Variants in ASH1L observed in about 807,000 individuals in gnomAD.
ASH1L encodes histone-lysine N-methyltransferase ASH1L.
In ASH1L, 23 loss-of-function variants were observed where a neutral mutation model predicts 269.0. That is an observed-to-expected ratio of 0.09 (90% CI 0.06 to 0.12). The LOEUF is 0.12. Among genes scored for constraint, ASH1L ranks in the 10% least tolerant of loss-of-function variants. The pLI is 1.00. For missense variants in ASH1L, 2,912 were observed against 3,567.8 expected, an observed-to-expected ratio of 0.82 and a Z score of 4.68; for synonymous variants, 1,187 against 1,253.5, an observed-to-expected ratio of 0.95 and a Z score of 1.12.
In ASH1L at chr1:155,401,421, C is replaced by A. The variant is rs143986012; in HGVS notation, c.6009-5868G>T. 3.3e-3 allele frequency among the ~76,000 whole-genome samples: 482 copies of A among 143,942 alleles called. 2 individuals carry two copies. The highest frequency in any genetic ancestry group is 0.012 in the African/African-American group (465 of 38,482). The allele number at this position is 143,942 out of a possible 152,430, so 94.4% of individuals were successfully genotyped here. A position where few individuals can be genotyped will look rare whatever the true frequency, so the allele number is the denominator to read the frequency against. ...TGAACCTGGGAGGCGGAGATTGCAG[C>A]GAGCCAAAGTCATGCCACTGGACTC... is the stretch of plus-strand genomic sequence containing the variant. On this transcript the variant is annotated intron_variant, in intron 6 of 27. Coordinates refer to ENST00000392403, the MANE Select transcript of ASH1L (RefSeq NM_018489.3).
Position 155,459,904 on chromosome 1 carries a change from GA to G in ASH1L, c.4985-7del, listed in dbSNP as rs756106557. On this transcript the variant is annotated splice_region_variant and splice_polypyrimidine_tract_variant and intron_variant, in intron 3 of 27. Transcript: ENST00000392403. ...ATCAGAGGTTGGCTGGGAGCCTGGA[GA>G]AAGAGAAAAAGATAGAAATCATAGG... 3 of 1,570,194 alleles carry G rather than the reference GA, an allele frequency of 1.9e-6. No individual in the cohort carries two copies. The highest frequency in any genetic ancestry group is 2.6e-6 in the Non-Finnish European group (3 of 1,161,004).
chr1:155,452,037 T>C (rs1315674633), intron 4 of ASH1L, among the ~76,000 whole-genome samples: 2 of 149,422 alleles, frequency 1.3e-5, no homozygotes, highest in Non-Finnish European at 3.0e-5. Flanking sequence ...ATGGTTAAGA[T>C]GGTAATTTTT....
At chr1:155,556,374 TTATAAA>T (rs987736630) in intron 1 of ASH1L, among the ~76,000 whole-genome samples, 1 of 150,776 alleles carries the variant, frequency 6.6e-6, no homozygotes, top group South Asian at 2.1e-4. Flanking sequence ...CTGTAAAAAA[TTATAAA>T]TATAAATATA....
chr1:155,562,410 CA>C lies in ASH1L; in HGVS notation c.-358del. ...TCGTCTCCCCTCCGCAAAGCGAACC[CA>C]AAATGGCGGCGGGAGCGGCGGCGGC... On this transcript the variant is annotated 5_prime_UTR_variant, in exon 1 of 28. Transcript: ENST00000392403. 6.7e-7 allele frequency: 1 copy of C among 1,493,886 alleles called. No homozygotes were observed. 92.5% of individuals were successfully genotyped at this position (1,493,886 alleles called of 1,614,324 possible).
chr1:155,365,294 C>T (rs1434659881), intron 12 of ASH1L, among the ~76,000 whole-genome samples: 9 of 152,012 alleles, frequency 5.9e-5, no homozygotes, highest in Non-Finnish European at 1.0e-4. Flanking sequence ...CAACCTCCAC[C>T]TCCTGGGTTC....
intron 6 of ASH1L, among the ~76,000 whole-genome samples, chr1:155,411,586 A>AATAAATATATATATATATATATATAT (rs1297131961): frequency 1.2e-3 from 67 of 55,010 alleles, no homozygotes; most frequent in Non-Finnish European, 1.6e-3. Flanking sequence ...TAAATAAATA[A>AATAAATATATATATATATATATATAT]ATATATATAT....
Position 155,357,421 on chromosome 1 carries a change from G to T in ASH1L, c.6961-11C>A, listed in dbSNP as rs1220091217. ...AGAGAGATGGCCTCTCTGAAAAAGA[G>T]ATGGATCAGATTAGAGATTTAAAAA... On this transcript the variant is annotated splice_polypyrimidine_tract_variant and intron_variant, in intron 14 of 27. Coordinates refer to ENST00000392403, the MANE Select transcript of ASH1L (RefSeq NM_018489.3). 1 of 1,607,514 alleles carries T rather than the reference G, an allele frequency of 6.2e-7. No individual in the cohort carries two copies.
intron 5 of ASH1L, among the ~76,000 whole-genome samples, chr1:155,427,132 A>ATTTTTT (rs67465671): frequency 1.0e-5 from 1 of 96,082 alleles, no homozygotes; most frequent in Admixed American, 1.2e-4. Flanking sequence ...CTCTGATATA[A>ATTTTTT]TTTTTTTTTT....
At chr1:155,453,828 C>T (rs12095569) in intron 4 of ASH1L, among the ~76,000 whole-genome samples, 15 of 151,498 alleles carry the variant, frequency 9.9e-5, no homozygotes, top group African/African-American at 3.6e-4. Flanking sequence ...AAAGGCCGGG[C>T]ACAGTGGCTC....
chr1:155,344,386 C>T (rs944085817), intron 21 of ASH1L, 113 bp from the exon 22 acceptor site: 37 of 740,624 alleles, frequency 5.0e-5, no homozygotes, highest in Non-Finnish European at 7.1e-5. Flanking sequence ...TTCAATATAC[C>T]ACAGATATAC....
intron 2 of ASH1L, among the ~76,000 whole-genome samples, chr1:155,506,459 G>A (rs942131095): frequency 1.3e-5 from 2 of 152,166 alleles, no homozygotes; most frequent in Admixed American, 6.5e-5. Context: ...CACTTTGGGA[G>A]GCCGAAGTGG....
At position 155,357,360 on chromosome 1, in the gene ASH1L, T is replaced by C. The variant is rs745977850; in HGVS notation, c.7011A>G (p.Arg2337=). 21 of 1,613,816 alleles carry C rather than the reference T, an allele frequency of 1.3e-5. No individual in the cohort carries two copies. Among genetic ancestry groups the C allele is most frequent in the Non-Finnish European group, 1.4e-5 (17 of 1,179,956 alleles). Residue 2337 remains arginine (R), a synonymous_variant, in exon 15 of 28, where the codon AGA becomes AGG. Transcript: ENST00000392403. ...EPSENINTPT[R]LTPQLQMKPM... is the part of the protein sequence containing the mutation. ...GCTTCATCTGTAATTGGGGGGTCAA[T>C]CTAGTTGGGGTGTTGATATTTTCAC... is the stretch of plus-strand genomic sequence containing the variant.
intron 7 of ASH1L, among the ~76,000 whole-genome samples, chr1:155,389,127 T>G (rs1384792925): frequency 1.3e-5 from 2 of 151,974 alleles, no homozygotes; most frequent in Non-Finnish European, 2.9e-5. Flanking sequence ...TGTCTCAGCC[T>G]CCTGAGTAAC....
intron 1 of ASH1L, among the ~76,000 whole-genome samples, chr1:155,537,741 ATTT>A (rs879413851): frequency 5.4e-5 from 8 of 148,250 alleles, no homozygotes; most frequent in African/African-American, 2.0e-4. Context: ...TGACAGCATG[ATTT>A]TTTTTTTTTA....
Position 155,380,253 on chromosome 1 carries a change from A to AT in ASH1L, c.6104-138dup, listed in dbSNP as rs560917419. 1.2e-3 allele frequency: 712 copies of AT among 614,234 alleles called. 4 individuals carry two copies. In the African/African-American group the frequency reaches 0.012, roughly 10 times the overall value. The allele number at this position is 614,234 out of a possible 1,614,324, so 38.0% of individuals were successfully genotyped here. A position where few individuals can be genotyped will look rare whatever the true frequency, so the allele number is the denominator to read the frequency against. ...TTCTTTAAGGATTTTTCCATCACCA[A>AT]TTTTTAATTTTAGCTCTTCTTTCCC... On this transcript the variant is annotated intron_variant, in intron 7 of 27. Coordinates refer to ENST00000392403, the MANE Select transcript of ASH1L (RefSeq NM_018489.3).
Position 155,438,406 on chromosome 1 carries a change from T to C in ASH1L, c.5749A>G (p.Lys1917Glu). The C allele has an allele frequency of 3.7e-6, 6 of 1,611,624 alleles. No homozygotes were observed. The highest frequency in any genetic ancestry group is 5.1e-6 in the Non-Finnish European group (6 of 1,179,324). ...GTCTGTTCTTCCAATAGCCAACCTT[T>C]TCTCTTCAACCCCTTTTTATGTTCT... ...NPEHKKGLKRKGWLLEEQTRK... is the reference protein window; with the variant it reads ...NPEHKKGLKREGWLLEEQTRK... Residue 1917 changes from lysine to glutamate, a missense_variant, in exon 5 of 28, where the codon AAA (lysine) becomes GAA (glutamate). Physicochemically the swap from Lys to Glu is moderately conservative, Grantham distance 56. Coordinates refer to ENST00000392403, the MANE Select transcript of ASH1L (RefSeq NM_018489.3).
At chr1:155,354,258 C>T (rs1464321827) in intron 16 of ASH1L, among the ~76,000 whole-genome samples, 2 of 152,226 alleles carry the variant, frequency 1.3e-5, no homozygotes, top group Non-Finnish European at 2.9e-5. Flanking sequence ...GCCTGGCCAA[C>T]ATGGCAAAAC....
At chr1:155,371,539 C>T (rs57445559) in intron 10 of ASH1L, among the ~76,000 whole-genome samples, 281 of 152,170 alleles carry the variant, frequency 1.8e-3, no homozygotes, top group African/African-American at 6.6e-3. Context: ...CAGAGTGAGA[C>T]TCCGTCTCAA....
At chr1:155,418,865 T>G (rs563350327) in intron 5 of ASH1L, among the ~76,000 whole-genome samples, 1 of 151,470 alleles carries the variant, frequency 6.6e-6, no homozygotes, top group Non-Finnish European at 1.5e-5. Context: ...GTCAGGAGAT[T>G]GTGACCATCC....
Sources: allele counts gnomAD v4.1 joint callset (sites outside exome capture counted in the v4.1 genomes callset), GRCh38; gene constraint gnomAD v4.1.1; transcripts MANE v1.5; gene names NCBI Gene and HGNC (gene_info 2026-07-23, HGNC 2026-07-21).